NXPE2: variants seen among roughly 807,000 people sequenced by gnomAD.
The protein encoded by NXPE2 is NXPE family member 2.
NXPE2 carries 34 observed loss-of-function variants against 34.4 expected under a neutral mutation model. The observed-to-expected ratio is 0.99, with a 90% CI of 0.75 to 1.31. The LOEUF (loss-of-function observed/expected upper bound fraction) is 1.31, where lower values mean the gene tolerates loss of function less well. Among genes scored for constraint, NXPE2 ranks in the 40% most tolerant of loss-of-function variants. NXPE2 has a pLI of 0.00. For synonymous variants in NXPE2, 235 were observed against 231.3 expected, an observed-to-expected ratio of 1.02 and a Z score of -0.15; for missense variants, 649 against 672.5, an observed-to-expected ratio of 0.97 and a Z score of 0.39.
chr11:114,640,093 A>G, the NXPE2 span, among the ~76,000 whole-genome samples: 22 of 124,012 alleles, frequency 1.8e-4, no homozygotes, highest in African/African-American at 5.4e-4. Flanking sequence ...AATGTAATAT[A>G]ATATATGATT....
chr11:114,594,914 C>G, the NXPE2 span: 1 of 557,892 alleles, frequency 1.8e-6, no homozygotes, highest in East Asian at 3.1e-5. Flanking sequence ...CCTTCACCCC[C>G]GCAAGCTGTA....
At chr11:114,639,878 T>A in the NXPE2 span, among the ~76,000 whole-genome samples, 1 of 57,610 alleles carries the variant, frequency 1.7e-5, no homozygotes, top group Non-Finnish European at 2.9e-5. Flanking sequence ...ATATTAAATA[T>A]AAAATATGTT....
At chr11:114,708,399 C>G (rs1951505925), downstream of NXPE2, among the ~76,000 whole-genome samples, 1 of 152,094 alleles carries the variant, frequency 6.6e-6, no homozygotes, top group South Asian at 2.1e-4. Context: ...AAATCTTCCT[C>G]TCATTAGAAA....
chr11:114,616,571 T>C, the NXPE2 span, among the ~76,000 whole-genome samples: 6 of 151,644 alleles, frequency 4.0e-5, no homozygotes, highest in Admixed American at 2.0e-4. Flanking sequence ...GCCTCATGGG[T>C]AATCACTGTT....
chr11:114,810,886 C>T, the NXPE2 span, among the ~76,000 whole-genome samples: 1 of 152,084 alleles, frequency 6.6e-6, no homozygotes, highest in East Asian at 1.9e-4. Flanking sequence ...GACACATGCA[C>T]ACATATGTTT....
the NXPE2 span, among the ~76,000 whole-genome samples, chr11:114,779,912 C>A: frequency 6.6e-6 from 1 of 152,154 alleles, no homozygotes; most frequent in African/African-American, 2.4e-5. Flanking sequence ...CCCCTCCCTG[C>A]CCAGAAACCA....
chr11:114,517,270 C>T, the NXPE2 span, among the ~76,000 whole-genome samples: 111 of 152,152 alleles, frequency 7.3e-4, 1 homozygote, highest in African/African-American at 2.6e-3. Context: ...ACCTAGGTTT[C>T]CTGCTTCTTA....
the NXPE2 span, among the ~76,000 whole-genome samples, chr11:114,755,015 G>A: frequency 6.6e-6 from 1 of 152,204 alleles, no homozygotes; most frequent in African/African-American, 2.4e-5. Flanking sequence ...CGATCTATGA[G>A]ATTTTTGCAA....
the NXPE2 span, among the ~76,000 whole-genome samples, chr11:114,642,633 T>G: frequency 6.6e-6 from 1 of 152,128 alleles, no homozygotes; most frequent in South Asian, 2.1e-4. Flanking sequence ...ATGGTGTACA[T>G]GTGCCACATC....
chr11:114,753,869 C>G, the NXPE2 span, among the ~76,000 whole-genome samples: 1 of 152,118 alleles, frequency 6.6e-6, no homozygotes, highest in East Asian at 1.9e-4. Context: ...CCCTTATTGT[C>G]AACTAAATCA....
At chr11:114,680,333 C>T (rs1287289482) in intron 2 of NXPE2, among the ~76,000 whole-genome samples, 1 of 152,080 alleles carries the variant, frequency 6.6e-6, no homozygotes, top group East Asian at 1.9e-4. Flanking sequence ...CCATTCGAGG[C>T]CCGTTTACAT....
rs746165207 is a variant in NXPE2 at position 114,678,612 on chromosome 11, T to C, written c.26+11T>C. On this transcript the variant is annotated intron_variant, in intron 1 of 5. Transcript: ENST00000389586. ...AATACTCATCCATAGGTGTGGTACT[T>C]TCCAACTCTTACTGCCAAGCTAACG... 1.3e-6 allele frequency: 2 copies of C among 1,546,398 alleles called. No homozygotes were observed. The highest frequency in any genetic ancestry group is 2.4e-5 in the South Asian group (2 of 83,918).
the NXPE2 span, among the ~76,000 whole-genome samples, chr11:114,579,429 G>T: frequency 1.3e-5 from 2 of 152,136 alleles, no homozygotes; most frequent in African/African-American, 4.8e-5. Flanking sequence ...GAAACACCAG[G>T]CAGGGAAAAT....
the NXPE2 span, among the ~76,000 whole-genome samples, chr11:114,497,614 T>C: frequency 6.6e-6 from 1 of 152,238 alleles, no homozygotes; most frequent in East Asian, 1.9e-4. Flanking sequence ...CAATATCATA[T>C]AGCCTAGGTG....
chr11:114,520,604 G>A, the NXPE2 span, among the ~76,000 whole-genome samples: 5 of 152,296 alleles, frequency 3.3e-5, no homozygotes, highest in African/African-American at 1.2e-4. Flanking sequence ...ATGAAGTGCT[G>A]ATTTCATTTC....
At chr11:114,673,063 C>T in the NXPE2 span, among the ~76,000 whole-genome samples, 1 of 147,524 alleles carries the variant, frequency 6.8e-6, no homozygotes, top group Non-Finnish European at 1.5e-5. Context: ...ATAAAACAAG[C>T]CTATATATAT....
chr11:114,622,438 C>T, the NXPE2 span, among the ~76,000 whole-genome samples: 19 of 149,776 alleles, frequency 1.3e-4, no homozygotes, highest in East Asian at 4.0e-4. Context: ...TTGCCTTCTG[C>T]GTAACCACTG....
chr11:114,807,749 T>G, the NXPE2 span, among the ~76,000 whole-genome samples: 1 of 151,850 alleles, frequency 6.6e-6, no homozygotes, highest in Admixed American at 6.6e-5. Context: ...AATGGGAGAC[T>G]TTAACACCCC....
chr11:114,508,138 T>A, the NXPE2 span, among the ~76,000 whole-genome samples: 1 of 152,162 alleles, frequency 6.6e-6, no homozygotes, highest in Non-Finnish European at 1.5e-5. Context: ...CAAACTCCTA[T>A]TCACAACTGC....
Sources: allele counts gnomAD v4.1 joint callset (sites outside exome capture counted in the v4.1 genomes callset), GRCh38; gene constraint gnomAD v4.1.1; transcripts MANE v1.5; gene names NCBI Gene and HGNC (gene_info 2026-07-23, HGNC 2026-07-21).